The following IMMP2L variants were observed in gnomAD, a reference collection of about 807,000 sequenced individuals.
The protein encoded by IMMP2L is mitochondrial inner membrane protease subunit 2.
In IMMP2L, 18 loss-of-function variants were observed where a neutral mutation model predicts 19.3. That is an observed-to-expected ratio of 0.93 (90% CI 0.64 to 1.38). The LOEUF is 1.38. Among genes scored for constraint, IMMP2L ranks in the 40% most tolerant of loss-of-function variants. The pLI is 0.00. For synonymous variants in IMMP2L, 76 were observed against 73.0 expected, an observed-to-expected ratio of 1.04 and a Z score of -0.21; for missense variants, 233 against 218.2, an observed-to-expected ratio of 1.07 and a Z score of -0.43.
Position 110,826,319 on chromosome 7 carries a change from C to A in IMMP2L, c.408+60274G>T, listed in dbSNP as rs140444781. On this transcript the variant is annotated intron_variant, in intron 5 of 5. Coordinates refer to ENST00000405709, the MANE Select transcript of IMMP2L (RefSeq NM_032549.4). ...CTAGAACTAGAAATACCATTTGACC[C>A]AGCTATCCCATTACCGGGTATATAC... Among the ~76,000 whole-genome samples the A allele has an allele frequency of 8.1e-3, 1,228 of 152,254 alleles. 17 individuals carry two copies. Among genetic ancestry groups the A allele is most frequent in the African/African-American group, 0.028 (1,155 of 41,534 alleles).
chr7:110,725,999 TA>T (rs1389128737), intron 5 of IMMP2L, among the ~76,000 whole-genome samples: 2 of 152,130 alleles, frequency 1.3e-5, no homozygotes, highest in Non-Finnish European at 2.9e-5. Context: ...ATTCTACAGA[TA>T]AGAAAATTGA....
At chr7:110,961,165 T>C (rs1818892802) in intron 4 of IMMP2L, among the ~76,000 whole-genome samples, 2 of 151,890 alleles carry the variant, frequency 1.3e-5, no homozygotes, top group African/African-American at 2.4e-5. Context: ...ACCATAACAC[T>C]CAGCATCCCA....
At position 111,313,592 on chromosome 7, in the gene IMMP2L, T is replaced by A. The variant is rs1356359465; in HGVS notation, c.239+173646A>T. On this transcript the variant is annotated intron_variant, in intron 3 of 5. Transcript: ENST00000405709. Reference sequence around the variant, plus strand: ...CTCAATCTAATCTTAACTTTCTTAATAATCAACAAATACTTACTGTGTCTA... The same window carrying A: ...CTCAATCTAATCTTAACTTTCTTAAAAATCAACAAATACTTACTGTGTCTA... 2.0e-5 allele frequency among the ~76,000 whole-genome samples: 3 copies of A among 152,184 alleles called. No homozygotes were observed. In the East Asian group the frequency reaches 5.8e-4, roughly 29 times the overall value.
chr7:110,838,995 T>C (rs778257838), intron 5 of IMMP2L, among the ~76,000 whole-genome samples: 2 of 152,116 alleles, frequency 1.3e-5, no homozygotes, highest in African/African-American at 4.8e-5. Flanking sequence ...ATTAATATGA[T>C]AATAACAGCA....
At chr7:110,734,165 C>G (rs1796461999) in intron 5 of IMMP2L, among the ~76,000 whole-genome samples, 1 of 152,142 alleles carries the variant, frequency 6.6e-6, no homozygotes, top group South Asian at 2.1e-4. Flanking sequence ...GAGGGCAATA[C>G]TGGTGAGAGC....
In IMMP2L at chr7:111,504,039, T is replaced by A. The variant is rs541199588; in HGVS notation, c.136-16698A>T. On this transcript the variant is annotated intron_variant, in intron 2 of 5. Coordinates refer to ENST00000405709, the MANE Select transcript of IMMP2L (RefSeq NM_032549.4). ...AAAGAGGAAGTCAAATTGTCCCTGT[T>A]TGCAGATGACATGATTGTATATCTA... 6.2e-3 allele frequency among the ~76,000 whole-genome samples: 943 copies of A among 152,292 alleles called. 5 individuals carry two copies. The highest frequency in any genetic ancestry group is 1.0e-2 in the Non-Finnish European group (677 of 68,020).
At chr7:111,388,992 A>T (rs1485104770) in intron 3 of IMMP2L, among the ~76,000 whole-genome samples, 1 of 152,150 alleles carries the variant, frequency 6.6e-6, no homozygotes. Context: ...CTCAGTAGTA[A>T]AGAGCAATCT....
chr7:111,050,291 T>G (rs898239441), intron 3 of IMMP2L, among the ~76,000 whole-genome samples: 5 of 152,140 alleles, frequency 3.3e-5, no homozygotes, highest in Non-Finnish European at 5.9e-5. Flanking sequence ...TTCACCATAT[T>G]TAAATTATAA....
chr7:110,887,169 A>T (rs1161493366), intron 4 of IMMP2L, among the ~76,000 whole-genome samples: 1 of 152,132 alleles, frequency 6.6e-6, no homozygotes, highest in Non-Finnish European at 1.5e-5. Context: ...TCTAAATTTT[A>T]GCATAAGTAA....
At chr7:110,686,575 T>C (rs1793131268) in intron 5 of IMMP2L, among the ~76,000 whole-genome samples, 1 of 152,066 alleles carries the variant, frequency 6.6e-6, no homozygotes. Context: ...CTGAGTATCA[T>C]GCCCTGGTGT....
intron 4 of IMMP2L, among the ~76,000 whole-genome samples, chr7:110,925,280 G>A (rs1347791000): frequency 6.6e-6 from 1 of 152,058 alleles, no homozygotes; most frequent in African/African-American, 2.4e-5. Flanking sequence ...AACTTCACGA[G>A]TATGGCCTTA....
chr7:111,480,136 T>C (rs1015075048), intron 3 of IMMP2L, among the ~76,000 whole-genome samples: 2 of 150,874 alleles, frequency 1.3e-5, no homozygotes, highest in Non-Finnish European at 2.9e-5. Context: ...CAGGCTGGAG[T>C]GCAGTGGCGC....
At chr7:111,297,860 G>A (rs1323710569) in intron 3 of IMMP2L, among the ~76,000 whole-genome samples, 2 of 152,036 alleles carry the variant, frequency 1.3e-5, no homozygotes, top group African/African-American at 4.8e-5. Context: ...TAGGAAAAAT[G>A]AATCCACTGT....
At chr7:110,854,778 C>A (rs892385350) in intron 5 of IMMP2L, among the ~76,000 whole-genome samples, 5 of 151,890 alleles carry the variant, frequency 3.3e-5, no homozygotes, top group African/African-American at 1.2e-4. Context: ...TTGCTTGAGT[C>A]TCTAATAACT....
intron 3 of IMMP2L, among the ~76,000 whole-genome samples, chr7:111,261,081 C>T (rs888314851): frequency 1.3e-5 from 2 of 152,032 alleles, no homozygotes; most frequent in African/African-American, 4.8e-5. Context: ...TATAATGTAA[C>T]AAGTTCATAG....
Position 110,756,505 on chromosome 7 carries a change from T to C in IMMP2L, c.409-92784A>G, listed in dbSNP as rs185475110. ...TGTGCCTCAGCTGCTTAAAATGTTATTTTGAACCCATGGCTAGAGTATACT... is the reference window on the plus strand; with the variant it reads ...TGTGCCTCAGCTGCTTAAAATGTTACTTTGAACCCATGGCTAGAGTATACT... On this transcript the variant is annotated intron_variant, in intron 5 of 5. Transcript: ENST00000405709. Among the ~76,000 whole-genome samples the C allele has an allele frequency of 1.1e-4, 16 of 152,162 alleles. No individual in the cohort carries two copies. In the East Asian group the frequency reaches 2.3e-3, roughly 22 times the overall value.
At chr7:110,907,323 G>A (rs768314542) in intron 4 of IMMP2L, among the ~76,000 whole-genome samples, 21 of 152,108 alleles carry the variant, frequency 1.4e-4, no homozygotes, top group Non-Finnish European at 2.2e-4. Flanking sequence ...ACAACAGGAA[G>A]GTAATCTTTT....
intron 4 of IMMP2L, among the ~76,000 whole-genome samples, chr7:110,898,546 G>C (rs912533884): frequency 2.0e-5 from 3 of 152,072 alleles, no homozygotes; most frequent in Non-Finnish European, 4.4e-5. Context: ...AGTCTAAAAA[G>C]TTTGCTATTT....
intron 3 of IMMP2L, among the ~76,000 whole-genome samples, chr7:111,166,656 A>G (rs1341135417): frequency 2.0e-5 from 3 of 151,992 alleles, no homozygotes; most frequent in Admixed American, 6.6e-5. Flanking sequence ...TTACTCTCTC[A>G]CAGTTATGGA....
Sources: gnomAD v4.1 joint callset for allele counts (sites outside exome capture counted in the v4.1 genomes callset) on GRCh38, gnomAD v4.1.1 for gene constraint, MANE v1.5 for transcripts, NCBI Gene and HGNC (gene_info 2026-07-23, HGNC 2026-07-21) for gene names.